Variants in SAMD12 observed in about 807,000 individuals in gnomAD.
SAMD12 encodes the protein sterile alpha motif domain containing 12.
A neutral mutation model predicts 15.0 loss-of-function variants in SAMD12; 9 were observed. The observed-to-expected ratio is 0.60, with a 90% CI of 0.36 to 1.05. SAMD12 has a LOEUF of 1.05. Among genes scored for constraint, SAMD12 ranks in the 50% least tolerant of loss-of-function variants. The pLI is 0.01. For synonymous variants in SAMD12, 86 were observed against 90.1 expected, an observed-to-expected ratio of 0.96 and a Z score of 0.25; for missense variants, 230 against 234.2, an observed-to-expected ratio of 0.98 and a Z score of 0.12.
intron 4 of SAMD12, among the ~76,000 whole-genome samples, chr8:118,334,241 G>A (rs1039982029): frequency 2.6e-5 from 4 of 152,108 alleles, no homozygotes; most frequent in African/African-American, 9.7e-5. Flanking sequence ...AGCTCTTTGA[G>A]TACCTGGCCT....
chr8:118,475,806 C>T (rs73708330), intron 2 of SAMD12, among the ~76,000 whole-genome samples: 6,520 of 152,258 alleles, frequency 0.043, 383 homozygotes, highest in African/African-American at 0.13. Flanking sequence ...CCATTAGCGT[C>T]ACCATGTAAT....
chr8:118,270,654 G>A (rs1198180280), intron 4 of SAMD12, among the ~76,000 whole-genome samples: 5 of 152,200 alleles, frequency 3.3e-5, no homozygotes, highest in Admixed American at 2.0e-4. Flanking sequence ...GAGTTGGGGA[G>A]TCACAGAACA....
chr8:118,182,017 A>G, the SAMD12 span, among the ~76,000 whole-genome samples: 1 of 152,184 alleles, frequency 6.6e-6, no homozygotes, highest in African/African-American at 2.4e-5. Context: ...TGGACCCCAC[A>G]GAATTTTTTT....
chr8:118,237,824 T>C (rs1225406383), intron 4 of SAMD12, among the ~76,000 whole-genome samples: 2 of 152,192 alleles, frequency 1.3e-5, no homozygotes, highest in Non-Finnish European at 2.9e-5. Flanking sequence ...GGCACTGTTT[T>C]CTGCTGTTGC....
intron 2 of SAMD12, among the ~76,000 whole-genome samples, chr8:118,545,459 G>C (rs984906645): frequency 6.6e-6 from 1 of 152,068 alleles, no homozygotes; most frequent in East Asian, 1.9e-4. Flanking sequence ...AAGAGTGAGA[G>C]TCCATCTCAA....
At chr8:118,365,253 G>A (rs1204716032) in intron 4 of SAMD12, among the ~76,000 whole-genome samples, 1 of 152,160 alleles carries the variant, frequency 6.6e-6, no homozygotes, top group East Asian at 1.9e-4. Context: ...TCACCCCTGT[G>A]AGAGTTAACT....
chr8:118,277,304 G>C (rs1211396623), intron 4 of SAMD12, among the ~76,000 whole-genome samples: 4 of 152,132 alleles, frequency 2.6e-5, no homozygotes, highest in Non-Finnish European at 5.9e-5. Flanking sequence ...TTATCTCCGT[G>C]AAGTAGAGAT....
chr8:118,403,371 T>C (rs1176361228), intron 3 of SAMD12, among the ~76,000 whole-genome samples: 2 of 152,016 alleles, frequency 1.3e-5, no homozygotes, highest in African/African-American at 2.4e-5. Context: ...ATTTTTTTTT[T>C]AATAAGAGGC....
At chr8:118,466,361 G>T (rs1288982650) in intron 2 of SAMD12, among the ~76,000 whole-genome samples, 1 of 152,112 alleles carries the variant, frequency 6.6e-6, no homozygotes, top group Non-Finnish European at 1.5e-5. Context: ...AAGACTATAT[G>T]ATTTAACCAC....
At chr8:118,388,470 G>A (rs776961177) in intron 3 of SAMD12, among the ~76,000 whole-genome samples, 3 of 152,068 alleles carry the variant, frequency 2.0e-5, no homozygotes, top group Non-Finnish European at 4.4e-5. Context: ...ACAGTTAAAA[G>A]CAATTTCCCT....
intron 4 of SAMD12, among the ~76,000 whole-genome samples, chr8:118,356,024 CTTACA>C (rs144672793): frequency 5.3e-5 from 8 of 152,302 alleles, no homozygotes; most frequent in African/African-American, 1.9e-4. Flanking sequence ...ATTCTTCATC[CTTACA>C]TTAATCTCCG....
chr8:118,547,366 G>C (rs1458954208), intron 2 of SAMD12, among the ~76,000 whole-genome samples: 2 of 152,064 alleles, frequency 1.3e-5, no homozygotes, highest in Admixed American at 6.5e-5. Context: ...TTTGAGTAAG[G>C]CTAGTTTCTC....
Position 118,402,132 on chromosome 8 carries a change from G to A in SAMD12, c.323-22432C>T, listed in dbSNP as rs540053618. Among the ~76,000 whole-genome samples the A allele has an allele frequency of 1.3e-3, 205 of 151,866 alleles. 1 individual carries two copies. The highest frequency in any genetic ancestry group is 6.8e-3 in the Middle Eastern group (2 of 294). On this transcript the variant is annotated intron_variant, in intron 3 of 3. Coordinates refer to ENST00000314727, the MANE Select transcript of SAMD12 (RefSeq NM_207506.3). ...TATTGAACTTAGGGAAGTTAGAGGA[G>A]AAGAAAAAAAATCACACACCACAAA...
intron 2 of SAMD12, among the ~76,000 whole-genome samples, chr8:118,563,767 T>G (rs1425841597): frequency 3.3e-5 from 5 of 152,214 alleles, no homozygotes; most frequent in Non-Finnish European, 7.3e-5. Flanking sequence ...AATGAACAGG[T>G]TGGATTAGAT....
intron 4 of SAMD12, among the ~76,000 whole-genome samples, chr8:118,287,876 C>T (rs924004197): frequency 5.3e-5 from 8 of 152,072 alleles, no homozygotes; most frequent in Admixed American, 5.2e-4. Context: ...AATATGTGGC[C>T]TAAACAGTCA....
Position 118,549,602 on chromosome 8 carries a change from G to C in SAMD12, c.192+31113C>G, listed in dbSNP as rs1054906829. Among the ~76,000 whole-genome samples the C allele has an allele frequency of 2.1e-4, 32 of 152,276 alleles. No individual in the cohort carries two copies. In the South Asian group the frequency reaches 2.5e-3, roughly 12 times the overall value. The stretch of plus-strand genomic sequence containing the variant: ...GGGAAAAAACAGAGCAGAAAAACTG[G>C]AAACTCTAAAAAGCAGAGCACCTCT... On this transcript the variant is annotated intron_variant, in intron 2 of 3. Transcript: ENST00000314727.
intron 2 of SAMD12, among the ~76,000 whole-genome samples, chr8:118,548,223 G>A (rs1267484640): frequency 6.6e-6 from 1 of 152,144 alleles, no homozygotes; most frequent in Non-Finnish European, 1.5e-5. Flanking sequence ...GTAACATATA[G>A]CAAATATGTT....
chr8:118,235,560 C>A (rs1812411385), intron 4 of SAMD12, among the ~76,000 whole-genome samples: 1 of 152,076 alleles, frequency 6.6e-6, no homozygotes, highest in African/African-American at 2.4e-5. Context: ...AAGGAGGAGT[C>A]GTTTTCATCA....
chr8:118,525,334 C>T (rs189208451), intron 2 of SAMD12, among the ~76,000 whole-genome samples: 2 of 152,272 alleles, frequency 1.3e-5, no homozygotes, highest in East Asian at 1.9e-4. Flanking sequence ...ACCCCATACA[C>T]GTTTTTCCTC....
Sources: allele counts gnomAD v4.1 joint callset (sites outside exome capture counted in the v4.1 genomes callset), GRCh38; gene constraint gnomAD v4.1.1; transcripts MANE v1.5; gene names NCBI Gene and HGNC (gene_info 2026-07-23, HGNC 2026-07-21).